CNBD1: variants seen among roughly 807,000 people sequenced by gnomAD.
CNBD1 encodes the protein cyclic nucleotide binding domain containing 1.
In CNBD1, 71 loss-of-function variants were observed where a neutral mutation model predicts 54.4. The ratio of observed to expected loss-of-function variants is 1.30; its 90% confidence interval spans 1.08 to 1.59. The LOEUF (loss-of-function observed/expected upper bound fraction) is 1.59, where lower values mean the gene tolerates loss of function less well. Among genes scored for constraint, CNBD1 ranks in the 40% most tolerant of loss-of-function variants. The probability of loss-of-function intolerance (pLI) is 0.00; values close to 1 mark genes in which losing one functional copy is unlikely to be tolerated. For missense variants in CNBD1, 659 were observed against 518.0 expected, an observed-to-expected ratio of 1.27 and a Z score of -2.64; for synonymous variants, 182 against 170.7, an observed-to-expected ratio of 1.07 and a Z score of -0.51.
At chr8:87,303,694 C>A (rs543245017) in intron 8 of CNBD1, among the ~76,000 whole-genome samples, 2 of 150,176 alleles carry the variant, frequency 1.3e-5, no homozygotes, top group East Asian at 3.9e-4. Context: ...TCAGAGTGAA[C>A]AGGCAACCTA....
At chr8:87,381,907 G>A (rs1430822564) in intron 10 of CNBD1, among the ~76,000 whole-genome samples, 3 of 151,850 alleles carry the variant, frequency 2.0e-5, no homozygotes, top group African/African-American at 7.2e-5. Context: ...AGATGAATAA[G>A]TTCTATGGAT....
At chr8:87,240,710 G>T (rs1807678979) in intron 6 of CNBD1, among the ~76,000 whole-genome samples, 1 of 152,128 alleles carries the variant, frequency 6.6e-6, no homozygotes, top group South Asian at 2.1e-4. Context: ...AAGGAAGGAG[G>T]CTGGGAATTA....
intron 2 of CNBD1, among the ~76,000 whole-genome samples, chr8:87,410,697 G>A (rs1807726400): frequency 6.6e-6 from 1 of 152,062 alleles, no homozygotes; most frequent in South Asian, 2.1e-4. Context: ...TTCTACTGTG[G>A]GTAAAATGCC....
intron 1 of CNBD1, among the ~76,000 whole-genome samples, chr8:86,874,330 A>G (rs764719066): frequency 5.3e-5 from 8 of 152,150 alleles, no homozygotes; most frequent in Admixed American, 3.3e-4. Context: ...GGTTTGTTTG[A>G]TATTTCCTCA....
At chr8:87,315,556 T>G (rs1239841580) in intron 8 of CNBD1, among the ~76,000 whole-genome samples, 1 of 151,866 alleles carries the variant, frequency 6.6e-6, no homozygotes, top group Non-Finnish European at 1.5e-5. Flanking sequence ...GCCAGGCTCA[T>G]GTGGAAACTA....
At chr8:87,038,344 T>G (rs1309157996) in intron 4 of CNBD1, among the ~76,000 whole-genome samples, 1 of 152,190 alleles carries the variant, frequency 6.6e-6, no homozygotes, top group Non-Finnish European at 1.5e-5. Context: ...CTACACCATG[T>G]AGGAGACAGA....
At chr8:87,113,823 G>C (rs957264742) in intron 4 of CNBD1, among the ~76,000 whole-genome samples, 7 of 151,962 alleles carry the variant, frequency 4.6e-5, no homozygotes, top group African/African-American at 1.7e-4. Context: ...GGAGGCTGAG[G>C]CAGGAGAATG....
intron 4 of CNBD1, among the ~76,000 whole-genome samples, chr8:87,079,508 A>T (rs1227074580): frequency 1.3e-5 from 2 of 152,100 alleles, no homozygotes; most frequent in Non-Finnish European, 2.9e-5. Context: ...TAATATAGCT[A>T]TTCTAATAAA....
chr8:86,876,248 C>T (rs1187342922), intron 1 of CNBD1, among the ~76,000 whole-genome samples: 1 of 150,766 alleles, frequency 6.6e-6, no homozygotes, highest in Non-Finnish European at 1.5e-5. Flanking sequence ...GATTATTCCC[C>T]ATTTTTTTCA....
At chr8:87,030,407 T>C (rs66781562) in intron 4 of CNBD1, among the ~76,000 whole-genome samples, 45,637 of 152,162 alleles carry the variant, frequency 0.3, 7,971 homozygotes, top group Admixed American at 0.43. Flanking sequence ...GGTTTATCTT[T>C]ATAGATTTTT....
chr8:87,226,926 C>T (rs974686610), intron 5 of CNBD1, among the ~76,000 whole-genome samples: 4 of 151,690 alleles, frequency 2.6e-5, no homozygotes, highest in Non-Finnish European at 5.9e-5. Flanking sequence ...GGGTGCTCCT[C>T]TATTGGGTGC....
At chr8:86,991,981 A>T (rs1425805038) in intron 4 of CNBD1, among the ~76,000 whole-genome samples, 1 of 152,122 alleles carries the variant, frequency 6.6e-6, no homozygotes, top group Non-Finnish European at 1.5e-5. Flanking sequence ...AAGAATGTAT[A>T]TTATGTGATT....
rs145516291 is a variant in CNBD1 at position 87,092,754 on chromosome 8, CTA to C, written c.432-113235_432-113234del. ...GGTCACCAATGATTTAGATAAGAAT[CTA>C]TATGTCATCACCTCACAGATTTGTA... On this transcript the variant is annotated intron_variant, in intron 4 of 10. Transcript: ENST00000518476. 7.7e-3 allele frequency among the ~76,000 whole-genome samples: 1,179 copies of C among 152,142 alleles called. 22 individuals carry two copies. The highest frequency in any genetic ancestry group is 0.027 in the Middle Eastern group (8 of 294).
At chr8:87,285,429 A>G (rs11783918) in intron 7 of CNBD1, among the ~76,000 whole-genome samples, 42,786 of 152,054 alleles carry the variant, frequency 0.28, 6,479 homozygotes, top group African/African-American at 0.39. Context: ...GGATATCAGA[A>G]GAAGTTTGTA....
chr8:87,335,690 T>A (rs2130914227), intron 8 of CNBD1, among the ~76,000 whole-genome samples: 1 of 152,266 alleles, frequency 6.6e-6, no homozygotes, highest in East Asian at 1.9e-4. Context: ...AATTGGGCCA[T>A]TTAGCTTATT....
At chr8:87,302,837 CAGCAACAGACAAACAGAG>C (rs1809040237) in intron 8 of CNBD1, among the ~76,000 whole-genome samples, 1 of 151,978 alleles carries the variant, frequency 6.6e-6, no homozygotes, top group Admixed American at 6.6e-5. Context: ...TCTTATACAC[CAGCAACAGACAAACAGAG>C]AGCCAAATCA....
intron 5 of CNBD1, among the ~76,000 whole-genome samples, chr8:87,210,109 G>T (rs1324542893): frequency 2.0e-5 from 3 of 152,178 alleles, no homozygotes; most frequent in Non-Finnish European, 4.4e-5. Context: ...GAGATAAATG[G>T]TGTTTGAATT....
At chr8:87,428,553 C>A (rs1210227473) in exon 3 of CNBD1, 4 of 452,306 alleles carry the variant, frequency 8.8e-6, no homozygotes, top group African/African-American at 6.0e-5. Flanking sequence ...TAGAATTAGA[C>A]CCAGTGACCA....
intron 4 of CNBD1, among the ~76,000 whole-genome samples, chr8:87,113,002 A>G (rs766789951): frequency 1.6e-4 from 24 of 152,218 alleles, no homozygotes; most frequent in Non-Finnish European, 3.4e-4. Flanking sequence ...CAAGAGAAGT[A>G]CAGTTCAACC....
Sources: gnomAD v4.1 joint callset for allele counts (sites outside exome capture counted in the v4.1 genomes callset) on GRCh38, gnomAD v4.1.1 for gene constraint, MANE v1.5 for transcripts, NCBI Gene and HGNC (gene_info 2026-07-23, HGNC 2026-07-21) for gene names.